Variants in ADGRL3 observed in about 807,000 individuals in gnomAD.
The protein encoded by ADGRL3 is adhesion G protein-coupled receptor L3.
A neutral mutation model predicts 153.5 loss-of-function variants in ADGRL3; 62 were observed. The observed-to-expected ratio is 0.40, with a 90% CI of 0.33 to 0.50. The LOEUF (loss-of-function observed/expected upper bound fraction) is 0.50, where lower values mean the gene tolerates loss of function less well. Ranked by LOEUF, ADGRL3 falls within the 20% of genes least tolerant of loss-of-function variation. ADGRL3 has a pLI of 0.47. For synonymous variants in ADGRL3, 710 were observed against 672.5 expected (o/e 1.06, Z -0.86); for missense variants, 1,641 against 1,859.4 (o/e 0.88, Z 2.16).
intron 1 of ADGRL3, among the ~76,000 whole-genome samples, chr4:61,337,918 A>G (rs764744622): frequency 1.3e-5 from 2 of 152,136 alleles, no homozygotes; most frequent in African/African-American, 4.8e-5. Flanking sequence ...TCCTTGTTAT[A>G]TCATAATCTC....
intron 2 of ADGRL3, among the ~76,000 whole-genome samples, chr4:61,456,937 T>A (rs2097762486): frequency 6.6e-6 from 1 of 152,078 alleles, no homozygotes; most frequent in South Asian, 2.1e-4. Context: ...AATAAATATC[T>A]TTTTATACAT....
At chr4:61,458,437 T>C (rs888174366) in intron 2 of ADGRL3, among the ~76,000 whole-genome samples, 4 of 151,226 alleles carry the variant, frequency 2.6e-5, no homozygotes, top group Admixed American at 2.6e-4. Context: ...GGACCAGAAG[T>C]AACATCTCTA....
intron 1 of ADGRL3, among the ~76,000 whole-genome samples, chr4:61,266,438 C>A (rs1174101179): frequency 6.6e-6 from 1 of 151,786 alleles, no homozygotes; most frequent in Non-Finnish European, 1.5e-5. Flanking sequence ...GAGTTCTAGA[C>A]TCTAAGAACA....
At chr4:61,639,521 C>T (rs138942067) in intron 5 of ADGRL3, among the ~76,000 whole-genome samples, 91 of 152,158 alleles carry the variant, frequency 6.0e-4, no homozygotes, top group African/African-American at 2.1e-3. Flanking sequence ...CAGTTACACT[C>T]GCAGACATAG....
At chr4:62,045,720 A>G (rs1344035091) in intron 25 of ADGRL3, among the ~76,000 whole-genome samples, 1 of 151,974 alleles carries the variant, frequency 6.6e-6, no homozygotes, top group Non-Finnish European at 1.5e-5. Flanking sequence ...GGGCAACAAT[A>G]TAGTAACTAT....
chr4:61,370,359 G>A (rs2096495641), intron 1 of ADGRL3, among the ~76,000 whole-genome samples: 1 of 151,140 alleles, frequency 6.6e-6, no homozygotes, highest in South Asian at 2.1e-4. Flanking sequence ...TTTCTCTTGT[G>A]GGCATGTAGT....
intron 5 of ADGRL3, among the ~76,000 whole-genome samples, chr4:61,669,722 T>C (rs2094927371): frequency 6.6e-6 from 1 of 152,196 alleles, no homozygotes; most frequent in Non-Finnish European, 1.5e-5. Context: ...TATTATTTAA[T>C]AAGTGCTAAT....
At chr4:61,652,942 G>C (rs912177884) in intron 5 of ADGRL3, among the ~76,000 whole-genome samples, 4 of 152,072 alleles carry the variant, frequency 2.6e-5, no homozygotes, top group Non-Finnish European at 5.9e-5. Flanking sequence ...GCTATGCACT[G>C]AATAATGTCT....
At position 61,733,250 on chromosome 4, in the gene ADGRL3, C is replaced by G. The variant is rs771596347; in HGVS notation, c.1095C>G (p.Ile365Met). 1.9e-6 allele frequency: 3 copies of G among 1,613,536 alleles called. No homozygotes were observed. The South Asian group carries it at 3.3e-5, about 18-fold the overall frequency. ...ISQLNPYTLR[I>M]EGTWDTAYDK... ...AATTGAACCCTTACACCCTACGGAT[C>G]GAAGGAACATGGGATACTGCATATG... is the stretch of plus-strand genomic sequence containing the variant. The change falls in exon 8 of 27, where the codon ATC becomes ATG. Residue 365 changes from isoleucine (I) to methionine (M), a missense_variant. Ile to Met is a conservative substitution (Grantham distance 10). Around this residue, in one of 5 missense-constraint regions of ADGRL3, gnomAD observed 213 missense variants for 362.1 expected, o/e 0.59. Coordinates refer to ENST00000683033, the MANE Select transcript of ADGRL3 (RefSeq NM_001387552.1).
intron 1 of ADGRL3, among the ~76,000 whole-genome samples, chr4:61,357,018 G>T (rs184968430): frequency 5.3e-5 from 8 of 151,872 alleles, no homozygotes; most frequent in Non-Finnish European, 5.9e-5. Context: ...CAAATTGTGT[G>T]TGTGAAATGA....
intron 1 of ADGRL3, among the ~76,000 whole-genome samples, chr4:61,359,949 T>TA (rs1232770771): frequency 6.6e-6 from 1 of 151,080 alleles, no homozygotes; most frequent in African/African-American, 2.4e-5. Context: ...TTATTATATA[T>TA]AGTGGTATGT....
intron 1 of ADGRL3, among the ~76,000 whole-genome samples, chr4:61,277,451 TATTTA>T (rs1177066671): frequency 6.6e-6 from 1 of 152,182 alleles, no homozygotes; most frequent in Non-Finnish European, 1.5e-5. Context: ...CTATTTATTT[TATTTA>T]ATTTATTTAT....
intron 3 of ADGRL3, among the ~76,000 whole-genome samples, chr4:61,498,868 A>G (rs1369348622): frequency 6.6e-6 from 1 of 152,150 alleles, no homozygotes; most frequent in Non-Finnish European, 1.5e-5. Flanking sequence ...CTCTTACACA[A>G]TTTAATGTTT....
intron 17 of ADGRL3, among the ~76,000 whole-genome samples, 200 bp downstream of exon 17, chr4:61,948,476 A>G (rs749845401): frequency 6.6e-6 from 1 of 152,194 alleles, no homozygotes; most frequent in Non-Finnish European, 1.5e-5. Context: ...TTATCAAAAT[A>G]GTTCATAAAA....
At chr4:61,221,595 C>G (rs547096675) in intron 1 of ADGRL3, among the ~76,000 whole-genome samples, 2 of 152,088 alleles carry the variant, frequency 1.3e-5, no homozygotes, top group Non-Finnish European at 2.9e-5. Flanking sequence ...GTAATCCTAA[C>G]TGCTATAAAA....
intron 21 of ADGRL3, among the ~76,000 whole-genome samples, chr4:62,004,272 A>C (rs535666427): frequency 6.6e-6 from 1 of 152,108 alleles, no homozygotes; most frequent in East Asian, 1.9e-4. Context: ...ATAAATATAT[A>C]TAGCCTACTT....
chr4:61,231,259 A>G (rs1277453827), intron 1 of ADGRL3, among the ~76,000 whole-genome samples: 2 of 152,316 alleles, frequency 1.3e-5, no homozygotes, highest in East Asian at 3.9e-4. Flanking sequence ...TGGATTTAGC[A>G]ATGTTCATAT....
intron 1 of ADGRL3, among the ~76,000 whole-genome samples, chr4:61,326,599 A>ATG (rs34387631): frequency 0.064 from 9,001 of 140,620 alleles, 342 homozygotes; most frequent in African/African-American, 0.098. Flanking sequence ...ATGCCAGATA[A>ATG]TGTGTGTGTG....
intron 4 of ADGRL3, among the ~76,000 whole-genome samples, chr4:61,552,526 CAAT>C (rs1481653613): frequency 6.6e-6 from 1 of 152,052 alleles, no homozygotes; most frequent in Non-Finnish European, 1.5e-5. Context: ...TGCAGTGGTA[CAAT>C]GACGGCTCAC....
Sources: allele counts gnomAD v4.1 joint callset (sites outside exome capture counted in the v4.1 genomes callset), GRCh38; gene constraint gnomAD v4.1.1; regional missense constraint gnomAD v4.1.1; transcripts MANE v1.5; gene names NCBI Gene and HGNC (gene_info 2026-07-23, HGNC 2026-07-21).